Variants in ARID4B observed in about 807,000 individuals in gnomAD.
ARID4B encodes the protein AT-rich interaction domain 4B.
Under a neutral mutation model 147.5 loss-of-function variants are expected in ARID4B, and 26 were observed. The observed-to-expected ratio is 0.18, with a 90% CI of 0.13 to 0.24. ARID4B has a LOEUF of 0.24. ARID4B is among the 10% of genes least tolerant of loss of function. The pLI is 1.00. For synonymous variants in ARID4B, 512 were observed against 507.9 expected (o/e 1.01, Z -0.11); for missense variants, 1,179 against 1,511.5 (o/e 0.78, Z 3.65).
At chr1:235,184,957 CA>C (rs1664574058) in intron 19 of ARID4B, among the ~76,000 whole-genome samples, 1 of 152,174 alleles carries the variant, frequency 6.6e-6, no homozygotes, top group South Asian at 2.1e-4. Context: ...GCTGGGACTA[CA>C]GGCACATGCC....
At chr1:235,318,508 G>T (rs1027681643) in intron 2 of ARID4B, among the ~76,000 whole-genome samples, 20 of 152,050 alleles carry the variant, frequency 1.3e-4, no homozygotes, top group Admixed American at 1.1e-3. Context: ...GGAAGTAAAA[G>T]AAATCAGACA....
chr1:235,168,456 C>G lies in ARID4B; in HGVS notation c.*69G>C. The stretch of plus-strand genomic sequence containing the variant: ...GCTTGTCTGATATTTTTTTGTGCCA[C>G]TGTGCAGTATAAAAAAAAAGTGGCC... On this transcript the variant is annotated 3_prime_UTR_variant, in exon 24 of 24. Transcript: ENST00000264183. 6.5e-7 allele frequency: 1 copy of G among 1,536,296 alleles called. No homozygotes were observed. The highest frequency in any genetic ancestry group is 1.2e-5 in the South Asian group (1 of 80,058).
At chr1:235,244,256 A>C (rs1009304901) in intron 7 of ARID4B, among the ~76,000 whole-genome samples, 7 of 152,196 alleles carry the variant, frequency 4.6e-5, no homozygotes, top group Admixed American at 2.0e-4. Flanking sequence ...AAGGGGAAAA[A>C]TATAACAGCA....
At chr1:235,194,795 G>A (rs1665381706) in intron 18 of ARID4B, among the ~76,000 whole-genome samples, 1 of 151,992 alleles carries the variant, frequency 6.6e-6, no homozygotes, top group Admixed American at 6.6e-5. Context: ...CTCCAGCCTG[G>A]GCAACAAGAG....
At chr1:235,250,756 C>A (rs959290272) in intron 6 of ARID4B, among the ~76,000 whole-genome samples, 1 of 152,186 alleles carries the variant, frequency 6.6e-6, no homozygotes, top group Non-Finnish European at 1.5e-5. Flanking sequence ...CACACCTGCA[C>A]AGACACACTA....
intron 16 of ARID4B, 109 bp from the exon 17 acceptor site, chr1:235,214,135 G>A: frequency 2.2e-6 from 3 of 1,368,954 alleles, no homozygotes; most frequent in Non-Finnish European, 2.9e-6. Context: ...TCCAGGAAAA[G>A]CAGGTTCCAC....
chr1:235,302,781 A>G (rs1192835034), intron 2 of ARID4B, among the ~76,000 whole-genome samples: 1 of 152,186 alleles, frequency 6.6e-6, no homozygotes, highest in Non-Finnish European at 1.5e-5. Context: ...CAATCCTTCC[A>G]AAGTAGGAGG....
chr1:235,235,694 G>C (rs11803775), intron 8 of ARID4B, among the ~76,000 whole-genome samples: 139 of 152,196 alleles, frequency 9.1e-4, no homozygotes, highest in African/African-American at 3.2e-3. Context: ...AGCTTGAAAG[G>C]GTGATTAGAA....
In ARID4B at chr1:235,222,887, T is replaced by C. The variant is rs1489813276; in HGVS notation, c.1065+279A>G. ...TTGTAGAGATGGGGTTTTGCTATGT[T>C]GGCCAGGCTGTTCTTGAACTCCTGG... On this transcript the variant is annotated intron_variant, in intron 13 of 23. Transcript: ENST00000264183. Among the ~76,000 whole-genome samples the C allele has an allele frequency of 2.0e-5, 3 of 152,086 alleles. No homozygotes were observed. The East Asian group carries it at 5.8e-4, about 29-fold the overall frequency.
At chr1:235,173,758 AAAAAAAAAAAAAAATATAT>A (rs1558165339) in intron 22 of ARID4B, among the ~76,000 whole-genome samples, 1 of 51,906 alleles carries the variant, frequency 1.9e-5, no homozygotes, top group African/African-American at 9.9e-5. Flanking sequence ...AAAAAAAAAA[AAAAAAAAAAAAAAATATAT>A]ATATATATAT....
chr1:235,172,896 T>C (rs1663470916), intron 22 of ARID4B, 132 bp from the exon 23 acceptor site: 1 of 733,086 alleles, frequency 1.4e-6, no homozygotes, highest in Non-Finnish European at 2.1e-6. Context: ...TTCTGAAATA[T>C]TTGTTTTCCA....
rs202117320 is a variant in ARID4B at position 235,175,370 on chromosome 1, C to T, written c.3478G>A (p.Ala1160Thr). 3 of 1,613,584 alleles carry T rather than the reference C, an allele frequency of 1.9e-6. No individual in the cohort carries two copies. The Admixed American group carries it at 5.0e-5, about 27-fold the overall frequency. The change falls in exon 22 of 24, where the codon GCT (alanine) becomes ACT (threonine). Residue 1160 changes from alanine to threonine, a missense_variant. By Grantham distance (58) the Ala-to-Thr change is moderately conservative. Transcript: ENST00000264183. The part of the protein sequence containing the change: ...TNSSDSEELS[A>T]GESITKSQPV... ...TGACTCTTAGTTATACTTTCACCAGCTGAAAGTTCTTCACTATCACTACTA... is the reference window on the plus strand; with the variant it reads ...TGACTCTTAGTTATACTTTCACCAGTTGAAAGTTCTTCACTATCACTACTA...
At chr1:235,253,760 C>T (rs1669784405) in intron 5 of ARID4B, among the ~76,000 whole-genome samples, 1 of 152,088 alleles carries the variant, frequency 6.6e-6, no homozygotes, top group Admixed American at 6.5e-5. Flanking sequence ...ATGCTACATT[C>T]CTTAGAAATC....
At position 235,182,747 on chromosome 1, in the gene ARID4B, A is replaced by G; in HGVS notation, c.2172T>C (p.Gly724=). The change falls in exon 20 of 24, where the codon GGT becomes GGC. Residue 724 remains glycine, a synonymous_variant. Coordinates refer to ENST00000264183, the MANE Select transcript of ARID4B (RefSeq NM_016374.6). ...TGCCATTATTATCCATGTCTTGAGCACCTCTCTCATCTTCCTGCTCACTGT... is the reference window on the plus strand; with the variant it reads ...TGCCATTATTATCCATGTCTTGAGCGCCTCTCTCATCTTCCTGCTCACTGT... ...AEDSEQEDER[G]AQDMDNNGKE... The G allele has an allele frequency of 6.2e-7, 1 of 1,608,038 alleles. No individual in the cohort carries two copies. Among genetic ancestry groups the G allele is most frequent in the Non-Finnish European group, 8.5e-7 (1 of 1,177,482 alleles).
chr1:235,229,076 A>G, intron 11 of ARID4B, 155 bp downstream of exon 11: 1 of 873,430 alleles, frequency 1.1e-6, no homozygotes, highest in South Asian at 2.0e-5. Context: ...AACCAAGTAA[A>G]CTATCTGATT....
chr1:235,267,193 G>A (rs373534333), intron 2 of ARID4B, among the ~76,000 whole-genome samples: 1 of 151,948 alleles, frequency 6.6e-6, no homozygotes, highest in Non-Finnish European at 1.5e-5. Flanking sequence ...CGGGAGGATC[G>A]CTAGAGCTCA....
At chr1:235,246,002 G>A (rs1220600671) in intron 7 of ARID4B, among the ~76,000 whole-genome samples, 1 of 152,178 alleles carries the variant, frequency 6.6e-6, no homozygotes, top group Non-Finnish European at 1.5e-5. Flanking sequence ...TTCAAGGAAA[G>A]TGTGGGGAGA....
chr1:235,231,873 C>A (rs1668260608), intron 9 of ARID4B, among the ~76,000 whole-genome samples: 1 of 152,096 alleles, frequency 6.6e-6, no homozygotes, highest in Non-Finnish European at 1.5e-5. Flanking sequence ...TTTGGGAGGT[C>A]AAGGTGGGAG....
chr1:235,182,202 A>T lies in ARID4B; in HGVS notation c.2717T>A (p.Ile906Asn), dbSNP rs1193895242. The change falls in exon 20 of 24, where the codon ATT becomes AAT. Residue 906 changes from isoleucine to asparagine, a missense_variant. This residue lies in a region of ARID4B where 321 missense variants were observed against 342.4 expected (regional missense o/e 0.94). Coordinates refer to ENST00000264183, the MANE Select transcript of ARID4B (RefSeq NM_016374.6). The stretch of plus-strand genomic sequence containing the variant: ...TTCATCAGAGTTATTTAAAAGTTTA[A>T]TCCTTTTTTCTGCCACTTCTGAAAA... ...SGFSEVAEKR[I>N]KLLNNSDERL... 1 of 1,613,468 alleles carries T rather than the reference A, an allele frequency of 6.2e-7. No homozygotes were observed. The highest frequency in any genetic ancestry group is 8.5e-7 in the Non-Finnish European group (1 of 1,179,934).
Sources: allele counts gnomAD v4.1 joint callset (sites outside exome capture counted in the v4.1 genomes callset), GRCh38; gene constraint gnomAD v4.1.1; regional missense constraint gnomAD v4.1.1; transcripts MANE v1.5; gene names NCBI Gene and HGNC (gene_info 2026-07-23, HGNC 2026-07-21).